LBR: variants seen among roughly 807,000 people sequenced by gnomAD.
The protein encoded by LBR is delta(14)-sterol reductase LBR.
A neutral mutation model predicts 74.3 loss-of-function variants in LBR; 28 were observed. That is an observed-to-expected ratio of 0.38 (90% CI 0.28 to 0.52). LBR has a LOEUF of 0.52. Among genes scored for constraint, LBR ranks in the 20% least tolerant of loss-of-function variants. The pLI, the probability that LBR is intolerant of heterozygous loss-of-function variation, is 0.89. For synonymous variants in LBR, 228 were observed against 269.3 expected, an observed-to-expected ratio of 0.85 and a Z score of 1.50; for missense variants, 717 against 760.3, an observed-to-expected ratio of 0.94 and a Z score of 0.67.
rs555310582 is a variant in LBR, at chr1:225,428,003, A to T, written c.-64T>A. ...CGGACGGCTCCCGGAGAATAGTCGC[A>T]CAGCAACCCGGCGGCAGATCCACGC... On this transcript the variant is annotated 5_prime_UTR_variant, in exon 1 of 14. Coordinates refer to ENST00000272163, the MANE Select transcript of LBR (RefSeq NM_002296.4). The T allele has an allele frequency of 1.3e-5, 2 of 152,132 alleles. No individual in the cohort carries two copies. Among genetic ancestry groups the T allele is most frequent in the Non-Finnish European group, 2.9e-5 (2 of 68,014 alleles). 9.4% of individuals were successfully genotyped at this position (152,132 alleles called of 1,614,324 possible).
In LBR at chr1:225,402,565, C is replaced by A. The variant is rs1317427644; in HGVS notation, c.*738G>T. 6.6e-6 allele frequency: 1 copy of A among 152,520 alleles called. No individual in the cohort carries two copies. Among genetic ancestry groups the A allele is most frequent in the Non-Finnish European group, 1.5e-5 (1 of 68,004 alleles). 9.4% of individuals were successfully genotyped at this position (152,520 alleles called of 1,614,324 possible). A position where few individuals can be genotyped will look rare whatever the true frequency, so the allele number is the denominator to read the frequency against. Reference sequence around the variant, plus strand: ...AAAATTTTTAATTCACATTACTTTACAAAATTTTATTTAAAATACTGAAAA... The same window carrying A: ...AAAATTTTTAATTCACATTACTTTAAAAAATTTTATTTAAAATACTGAAAA... On this transcript the variant is annotated 3_prime_UTR_variant, in exon 14 of 14. Transcript: ENST00000272163.
chr1:225,427,621 C>A (rs1157847511), intron 1 of LBR: 1 of 152,372 alleles, frequency 6.6e-6, no homozygotes. Flanking sequence ...CCCACGAACC[C>A]TCCCTGCCGC....
chr1:225,422,842 A>G (rs912497914), intron 2 of LBR, among the ~76,000 whole-genome samples: 2 of 152,220 alleles, frequency 1.3e-5, no homozygotes, highest in African/African-American at 2.4e-5. Flanking sequence ...CCTACTAAGA[A>G]TGGCTTTTAC....
intron 7 of LBR, chr1:225,414,200 G>A (rs2096112537): frequency 2.2e-6 from 1 of 451,744 alleles, no homozygotes; most frequent in Non-Finnish European, 4.5e-6. Context: ...TCTGGAGCTG[G>A]GGGAGACGTT....
chr1:225,414,913 T>A lies in LBR; in HGVS notation c.892+365A>T, dbSNP rs577274614. On this transcript the variant is annotated intron_variant, in intron 7 of 13. Transcript: ENST00000272163. The stretch of plus-strand genomic sequence containing the variant: ...CCCAGGAAGTGTGTGTGACGAATAT[T>A]CAAGGGACAACCCAGAGGACATGAG... Among the ~76,000 whole-genome samples the A allele has an allele frequency of 3.9e-5, 6 of 152,310 alleles. No individual in the cohort carries two copies. The South Asian group carries it at 1.2e-3, about 32-fold the overall frequency.
At chr1:225,413,248 T>TG (rs1288368109) in intron 7 of LBR, among the ~76,000 whole-genome samples, 2 of 152,106 alleles carry the variant, frequency 1.3e-5, no homozygotes, top group East Asian at 3.8e-4. Context: ...TGCGAGTACC[T>TG]GGGGGGTAGG....
chr1:225,410,260 C>A (rs1401397208), intron 10 of LBR, 31 bp downstream of exon 10: 6 of 1,613,084 alleles, frequency 3.7e-6, no homozygotes, highest in Non-Finnish European at 5.1e-6. Flanking sequence ...AGCCATCTGA[C>A]TCCAAGGCCT....
chr1:225,406,538 A>G lies in LBR; in HGVS notation c.1483+126T>C. 3 of 804,448 alleles carry G rather than the reference A, an allele frequency of 3.7e-6. No individual in the cohort carries two copies. The South Asian group carries it at 5.5e-5, about 15-fold the overall frequency. 49.8% of individuals were successfully genotyped at this position (804,448 alleles called of 1,614,324 possible). On this transcript the variant is annotated intron_variant, in intron 11 of 13. Transcript: ENST00000272163. ...GCAGATTTTTTATTACTCATGATAA[A>G]TGGCTTCAAACTGAGCTAATGCTGG...
At chr1:225,427,221 G>A (rs1340075413) in intron 1 of LBR, 2 of 152,402 alleles carry the variant, frequency 1.3e-5, no homozygotes, top group Admixed American at 6.5e-5. Context: ...TGCCCCTTGA[G>A]GCTACTGGCA....
intron 1 of LBR, chr1:225,427,666 G>T (rs2096142757): frequency 6.6e-6 from 1 of 152,388 alleles, no homozygotes; most frequent in African/African-American, 2.4e-5. Flanking sequence ...CGCCAACATG[G>T]AGGGAAACGT....
intron 8 of LBR, among the ~76,000 whole-genome samples, chr1:225,412,104 C>T (rs1031792017): frequency 1.3e-5 from 2 of 152,222 alleles, no homozygotes; most frequent in Non-Finnish European, 2.9e-5. Context: ...GCCACCTCAC[C>T]CGGCCAGTAA....
intron 6 of LBR, 40 bp downstream of exon 6, chr1:225,417,944 C>T (rs377212208): frequency 1.9e-6 from 3 of 1,579,842 alleles, no homozygotes; most frequent in Admixed American, 3.3e-5. Context: ...ATAGTGAGAC[C>T]TCATCTTATT....
Position 225,422,129 on chromosome 1 carries a change from T to A in LBR, c.314A>T (p.Asp105Val). Residue 105 changes from aspartate (D) to valine (V), a missense_variant, in exon 3 of 14, where the codon GAC (aspartate) becomes GTC (valine). Asp to Val is a radical substitution (Grantham distance 152). Coordinates refer to ENST00000272163, the MANE Select transcript of LBR (RefSeq NM_002296.4). ...CACTTCCCTCCTTGCTTCCTTAATG[T>A]CGGCCTGGTGGGAAGCAGAAGCAGA... Reference protein sequence around the residue: ...RRSASASHQADIKEARREVEV... With the variant: ...RRSASASHQAVIKEARREVEV... 6.2e-7 allele frequency: 1 copy of A among 1,614,172 alleles called. No individual in the cohort carries two copies. The highest frequency in any genetic ancestry group is 8.5e-7 in the Non-Finnish European group (1 of 1,180,042).
At chr1:225,411,786 T>G (rs778923784) in intron 8 of LBR, among the ~76,000 whole-genome samples, 1 of 152,212 alleles carries the variant, frequency 6.6e-6, no homozygotes, top group East Asian at 1.9e-4. Flanking sequence ...ATCAACCAAT[T>G]TGTAACCTCT....
chr1:225,403,157 AC>A lies in LBR; in HGVS notation c.*145del, dbSNP rs1275934561. On this transcript the variant is annotated 3_prime_UTR_variant, in exon 14 of 14. Coordinates refer to ENST00000272163, the MANE Select transcript of LBR (RefSeq NM_002296.4). Reference sequence around the variant, plus strand: ...ACACGGCTATATTAAAAGATCAACTACTCGGCTCCATAGTCCTGACTCAAAA... The same window carrying A: ...ACACGGCTATATTAAAAGATCAACTATCGGCTCCATAGTCCTGACTCAAAA... 4.4e-6 allele frequency: 3 copies of A among 688,130 alleles called. No homozygotes were observed. The Admixed American group carries it at 7.5e-5, about 17-fold the overall frequency. 42.6% of individuals were successfully genotyped at this position (688,130 alleles called of 1,614,324 possible). A position where few individuals can be genotyped will look rare whatever the true frequency, so the allele number is the denominator to read the frequency against.
chr1:225,413,710 G>C (rs2096110932), intron 7 of LBR, among the ~76,000 whole-genome samples: 1 of 152,198 alleles, frequency 6.6e-6, no homozygotes, highest in Non-Finnish European at 1.5e-5. Flanking sequence ...AGCCTATGTG[G>C]ATTAAAAATA....
intron 10 of LBR, among the ~76,000 whole-genome samples, chr1:225,407,463 G>A (rs1450298359): frequency 6.6e-6 from 1 of 152,198 alleles, no homozygotes; most frequent in African/African-American, 2.4e-5. Flanking sequence ...AAGAAATTAA[G>A]CTGCCTGGCA....
At chr1:225,425,126 G>C (rs2096136560) in intron 1 of LBR, among the ~76,000 whole-genome samples, 1 of 152,104 alleles carries the variant, frequency 6.6e-6, no homozygotes, top group African/African-American at 2.4e-5. Context: ...CCTGTTAAGA[G>C]CTGATGATAC....
intron 1 of LBR, among the ~76,000 whole-genome samples, chr1:225,424,774 C>A (rs1172969097): frequency 1.3e-5 from 2 of 152,206 alleles, no homozygotes; most frequent in Non-Finnish European, 2.9e-5. Flanking sequence ...CAAAACATGG[C>A]CCACAAGCCC....
Sources: gnomAD v4.1 joint callset for allele counts (sites outside exome capture counted in the v4.1 genomes callset) on GRCh38, gnomAD v4.1.1 for gene constraint, MANE v1.5 for transcripts, NCBI Gene and HGNC (gene_info 2026-07-23, HGNC 2026-07-21) for gene names.